The following PXMP2 variants were observed in gnomAD, a reference collection of about 807,000 sequenced individuals.
The protein encoded by PXMP2 is 22 kDa peroxisomal membrane protein.
Under a neutral mutation model 20.2 loss-of-function variants are expected in PXMP2, and 13 were observed. That is an observed-to-expected ratio of 0.64 (90% CI 0.42 to 1.02). PXMP2 has a LOEUF of 1.02. Ranked by LOEUF, PXMP2 falls within the 50% of genes least tolerant of loss-of-function variation. PXMP2 has a pLI of 0.00. For missense variants in PXMP2, 284 were observed against 251.8 expected (o/e 1.13, Z -0.87); for synonymous variants, 113 against 111.2 (o/e 1.02, Z -0.10).
At chr12:132,702,045 G>C (rs1423557180) in intron 4 of PXMP2, among the ~76,000 whole-genome samples, 1 of 152,200 alleles carries the variant, frequency 6.6e-6, no homozygotes, top group Non-Finnish European at 1.5e-5. Flanking sequence ...AGCTGAGATT[G>C]TGCCACTGCA....
At chr12:132,691,893 C>T (rs1371965045) in intron 2 of PXMP2, among the ~76,000 whole-genome samples, 1 of 152,274 alleles carries the variant, frequency 6.6e-6, no homozygotes, top group Non-Finnish European at 1.5e-5. Flanking sequence ...GTTCCATTCT[C>T]TCCCAAACAC....
At chr12:132,693,691 G>A (rs2043387835) in intron 2 of PXMP2, among the ~76,000 whole-genome samples, 1 of 138,698 alleles carries the variant, frequency 7.2e-6, no homozygotes, top group African/African-American at 2.7e-5. Flanking sequence ...TTGCCAGTTA[G>A]TTAGTGAGCT....
intron 2 of PXMP2, among the ~76,000 whole-genome samples, chr12:132,694,102 TGAGCGCCC>T: frequency 6.2e-5 from 8 of 128,356 alleles, no homozygotes; most frequent in African/African-American, 2.4e-4. Context: ...AGCCAGTTAG[TGAGCGCCC>T]TTGCCAGTTA....
In PXMP2 at chr12:132,687,709, G is replaced by A. The variant is rs539691585; in HGVS notation, c.39G>A (p.Gly13=). The A allele has an allele frequency of 1.7e-6, 2 of 1,201,762 alleles. No individual in the cohort carries two copies. Among genetic ancestry groups the A allele is most frequent in the Admixed American group, 8.5e-5 (2 of 23,624 alleles). The allele number at this position is 1,201,762 out of a possible 1,614,324, so 74.4% of individuals were successfully genotyped here. ...PAASRLRAEA[G]LGALPRRALA... The stretch of plus-strand genomic sequence containing the variant: ...CGTCCAGGCTGCGGGCCGAAGCCGG[G>A]CTCGGGGCGCTGCCGCGGCGGGCGC... The change falls in exon 1 of 5, where the codon GGG becomes GGA. Residue 13 remains glycine (G), a synonymous_variant. Coordinates refer to ENST00000317479, the MANE Select transcript of PXMP2 (RefSeq NM_018663.3).
Position 132,695,948 on chromosome 12 carries a change from G to T in PXMP2, c.301G>T (p.Glu101Ter), listed in dbSNP as rs868625039. 7 of 1,612,660 alleles carry T rather than the reference G, an allele frequency of 4.3e-6. No individual in the cohort carries two copies. The African/African-American group carries it at 9.3e-5, about 22-fold the overall frequency. Residue 101 changes from glutamate (E) to a stop codon, truncating the protein, a stop_gained, in exon 3 of 5, where the codon GAG becomes TAG. Transcript: ENST00000317479. LOFTEE classifies it high-confidence loss of function. ...YFFMEHWIPP[E>*]VPLAGLRRLL... ...CTTCATGGAACATTGGATCCCTCCT[G>T]AGGTCCCCCTGGCAGGGCTCAGGAG...
intron 3 of PXMP2, among the ~76,000 whole-genome samples, chr12:132,700,736 CTT>C (rs1330882849): frequency 2.0e-5 from 3 of 151,702 alleles, no homozygotes; most frequent in African/African-American, 7.3e-5. Context: ...GTCACAAATT[CTT>C]TGTCTTGGCG....
intron 2 of PXMP2, among the ~76,000 whole-genome samples, chr12:132,693,982 T>C (rs1333561756): frequency 9.1e-6 from 1 of 109,312 alleles, no homozygotes; most frequent in African/African-American, 3.2e-5. Flanking sequence ...AGCCAGTTAG[T>C]GAGCTCCCTT....
At chr12:132,694,835 T>TAGCTCCCTTAGCCAGTTAGTG (rs1355905804) in intron 2 of PXMP2, among the ~76,000 whole-genome samples, 4 of 137,842 alleles carry the variant, frequency 2.9e-5, no homozygotes, top group African/African-American at 1.1e-4. Flanking sequence ...GCCAGTTAGT[T>TAGCTCCCTTAGCCAGTTAGTG]AGCTCCCTTA....
Position 132,687,723 on chromosome 12 carries a change from C to G in PXMP2, c.53C>G (p.Pro18Arg), listed in dbSNP as rs2043313772. The G allele has an allele frequency of 8.3e-7, 1 of 1,212,116 alleles. No homozygotes were observed. The highest frequency in any genetic ancestry group is 1.0e-6 in the Non-Finnish European group (1 of 973,490). The allele number at this position is 1,212,116 out of a possible 1,614,324, so 75.1% of individuals were successfully genotyped here. ...GCCGAAGCCGGGCTCGGGGCGCTGC[C>G]GCGGCGGGCGCTCGCCCAGTACCTG... ...LRAEAGLGAL[P>R]RRALAQYLLF... The change falls in exon 1 of 5, where the codon CCG (proline) becomes CGG (arginine). Residue 18 changes from proline to arginine, a missense_variant. Coordinates refer to ENST00000317479, the MANE Select transcript of PXMP2 (RefSeq NM_018663.3).
chr12:132,687,801 G>A lies in PXMP2; in HGVS notation c.122+9G>A. 8.7e-7 allele frequency: 1 copy of A among 1,149,334 alleles called. No homozygotes were observed. Among genetic ancestry groups the A allele is most frequent in the Non-Finnish European group, 1.1e-6 (1 of 935,452 alleles). The allele number at this position is 1,149,334 out of a possible 1,614,324, so 71.2% of individuals were successfully genotyped here. ...ACCAAGGCGGCCACCAGGTGAGCGG[G>A]GGCGCGGGAATCGGACGCCGCCCCG... On this transcript the variant is annotated intron_variant, in intron 1 of 4. Coordinates refer to ENST00000317479, the MANE Select transcript of PXMP2 (RefSeq NM_018663.3).
chr12:132,704,650 T>C lies in PXMP2; in HGVS notation c.551T>C (p.Leu184Pro), dbSNP rs150513731. The C allele has an allele frequency of 2.0e-6, 3 of 1,506,526 alleles. No homozygotes were observed. In the African/African-American group the frequency reaches 4.2e-5, roughly 21 times the overall value. The allele number at this position is 1,506,526 out of a possible 1,614,324, so 93.3% of individuals were successfully genotyped here. The change falls in exon 5 of 5, where the codon CTG becomes CCG. Residue 184 changes from leucine to proline, a missense_variant. By Grantham distance (98) the Leu-to-Pro change is moderately conservative. Transcript: ENST00000317479. Reference sequence around the variant, plus strand: ...GTGCTCTTCGCCAACCTGGCAGCTCTGTTCTGGTATGCCTACCTGGCCTCC... The same window carrying C: ...GTGCTCTTCGCCAACCTGGCAGCTCCGTTCTGGTATGCCTACCTGGCCTCC... Reference protein sequence around the residue: ...FRVLFANLAALFWYAYLASLG... With the variant: ...FRVLFANLAAPFWYAYLASLG...
In PXMP2 at chr12:132,695,957, CT is replaced by C. The variant is rs1356051382; in HGVS notation, c.311del (p.Leu104ArgfsTer26). 6.2e-7 allele frequency: 1 copy of C among 1,612,948 alleles called. No homozygotes were observed. ...ACATTGGATCCCTCCTGAGGTCCCC[CT>C]GGCAGGGCTCAGGAGGCTTCTCCTG... ...MEHWIPPEVP[L>X]AGLRRLLLDR... On this transcript the variant is annotated frameshift_variant, in exon 3 of 5. Coordinates refer to ENST00000317479, the MANE Select transcript of PXMP2 (RefSeq NM_018663.3). LOFTEE classifies it high-confidence loss of function.
intron 1 of PXMP2, among the ~76,000 whole-genome samples, chr12:132,688,669 A>G (rs371211216): frequency 8.8e-4 from 8 of 9,102 alleles, no homozygotes; most frequent in Non-Finnish European, 1.5e-3. Flanking sequence ...TCTGCGGGGC[A>G]CGGGTGAAGA....
chr12:132,688,935 T>A (rs1185547484), intron 1 of PXMP2, among the ~76,000 whole-genome samples: 27 of 15,468 alleles, frequency 1.7e-3, no homozygotes, highest in East Asian at 3.9e-3. Flanking sequence ...GAGCGGGTCC[T>A]CATGGAGCGT....
Position 132,687,762 on chromosome 12 carries a change from T to A in PXMP2, c.92T>A (p.Leu31His). ...ALAQYLLFLR[L>H]YPVLTKAATS... ...GCCCAGTACCTGCTCTTCCTGCGGC[T>A]CTACCCGGTGCTCACCAAGGCGGCC... The change falls in exon 1 of 5, where the codon CTC (leucine) becomes CAC (histidine). Residue 31 changes from leucine to histidine, a missense_variant. By Grantham distance (99) the Leu-to-His change is moderately conservative. Coordinates refer to ENST00000317479, the MANE Select transcript of PXMP2 (RefSeq NM_018663.3). The A allele has an allele frequency of 8.3e-7, 1 of 1,207,918 alleles. No homozygotes were observed. The highest frequency in any genetic ancestry group is 1.0e-6 in the Non-Finnish European group (1 of 971,512). 74.8% of individuals were successfully genotyped at this position (1,207,918 alleles called of 1,614,324 possible).
Position 132,695,983 on chromosome 12 carries a change from G to A in PXMP2, c.336G>A (p.Leu112=). Residue 112 remains leucine, a synonymous_variant, in exon 3 of 5, where the codon CTG becomes CTA. Transcript: ENST00000317479. ...VPLAGLRRLL[L]DRLVFAPAFL... Reference sequence around the variant, plus strand: ...TGGCAGGGCTCAGGAGGCTTCTCCTGGACCGCCTCGTCTTTGCACCGGCCT... The same window carrying A: ...TGGCAGGGCTCAGGAGGCTTCTCCTAGACCGCCTCGTCTTTGCACCGGCCT... 2 of 1,612,486 alleles carry A rather than the reference G, an allele frequency of 1.2e-6. No individual in the cohort carries two copies. Among genetic ancestry groups the A allele is most frequent in the Non-Finnish European group, 1.7e-6 (2 of 1,179,318 alleles).
At chr12:132,703,598 G>A (rs1022246799) in intron 4 of PXMP2, among the ~76,000 whole-genome samples, 1 of 152,190 alleles carries the variant, frequency 6.6e-6, no homozygotes, top group Non-Finnish European at 1.5e-5. Flanking sequence ...CCTCTCTGGA[G>A]GGCCAGGGGC....
intron 4 of PXMP2, 72 bp downstream of exon 4, chr12:132,701,441 T>G: frequency 6.4e-7 from 1 of 1,555,280 alleles, no homozygotes; most frequent in Non-Finnish European, 8.7e-7. Flanking sequence ...TCCTTCCTCT[T>G]TCCTCCCCCC....
Position 132,687,642 on chromosome 12 carries a change from G to C in PXMP2, c.-29G>C, listed in dbSNP as rs1001430822. ...CCGGCCAGCCTGAGGTGGGGTCGGT[G>C]CCCCCGGCGGCACGGCGCTGGGGAG... On this transcript the variant is annotated 5_prime_UTR_variant, in exon 1 of 5. Coordinates refer to ENST00000317479, the MANE Select transcript of PXMP2 (RefSeq NM_018663.3). The C allele has an allele frequency of 1.7e-6, 2 of 1,154,132 alleles. No individual in the cohort carries two copies. Among genetic ancestry groups the C allele is most frequent in the Non-Finnish European group, 2.1e-6 (2 of 939,508 alleles). 71.5% of individuals were successfully genotyped at this position (1,154,132 alleles called of 1,614,324 possible).
Sources: allele counts gnomAD v4.1 joint callset (sites outside exome capture counted in the v4.1 genomes callset), GRCh38; gene constraint gnomAD v4.1.1; transcripts MANE v1.5; gene names NCBI Gene and HGNC (gene_info 2026-07-23, HGNC 2026-07-21).